GPHN: variants seen among roughly 807,000 people sequenced by gnomAD.
GPHN encodes gephyrin.
GPHN carries 17 observed loss-of-function variants against 95.5 expected under a neutral mutation model. The ratio of observed to expected loss-of-function variants is 0.18; its 90% CI spans 0.12 to 0.27. GPHN has a LOEUF of 0.27. Ranked by LOEUF, GPHN falls within the 10% of genes least tolerant of loss-of-function variation. The pLI is 1.00. For synonymous variants in GPHN, 320 were observed against 322.5 expected (o/e 0.99, Z 0.08); for missense variants, 660 against 978.1 (o/e 0.67, Z 4.34).
chr14:67,213,149 T>C, the GPHN span, among the ~76,000 whole-genome samples: 1 of 150,988 alleles, frequency 6.6e-6, no homozygotes, highest in Non-Finnish European at 1.5e-5. Flanking sequence ...AATTTTTTTT[T>C]AAATGTATTT....
chr14:67,689,616 T>C, the GPHN span, among the ~76,000 whole-genome samples: 1 of 152,132 alleles, frequency 6.6e-6, no homozygotes, highest in Non-Finnish European at 1.5e-5. Context: ...AACTGTGAAG[T>C]AGTCCCATTT....
intron 8 of GPHN, among the ~76,000 whole-genome samples, chr14:66,956,399 C>T (rs1418114321): frequency 2.0e-5 from 3 of 152,078 alleles, no homozygotes; most frequent in African/African-American, 7.2e-5. Flanking sequence ...GGTATACACC[C>T]AGTAATGGGA....
the GPHN span, chr14:67,562,957 A>T: frequency 2.0e-6 from 3 of 1,511,102 alleles, no homozygotes; most frequent in Non-Finnish European, 2.7e-6. Context: ...CTGCTGGCTG[A>T]GCACAGCCAT....
At chr14:66,851,284 C>T (rs905555531) in intron 4 of GPHN, among the ~76,000 whole-genome samples, 4 of 152,038 alleles carry the variant, frequency 2.6e-5, no homozygotes, top group Non-Finnish European at 4.4e-5. Flanking sequence ...CTTGTTCCCC[C>T]TTACAGTCAC....
Position 66,932,464 on chromosome 14 carries a change from T to TTTTG in GPHN, c.828+8175_828+8176insGTTT, listed in dbSNP as rs1567118581. ...ACCAGGTTTTTTTTTTTTTTTTTTT[T>TTTTG]TTTTTTTTTTTTTTTTCAGTGCAGC... On this transcript the variant is annotated intron_variant, in intron 8 of 22. Coordinates refer to ENST00000478722, the MANE Select transcript of GPHN (RefSeq NM_020806.5). Among the ~76,000 whole-genome samples, 237 of 123,696 alleles carry TTTTG rather than the reference T, an allele frequency of 1.9e-3. 2 individuals are homozygous for TTTTG. Among genetic ancestry groups the TTTTG allele is most frequent in the Non-Finnish European group, 3.4e-3 (189 of 55,726 alleles). 81.1% of individuals were successfully genotyped at this position (123,696 alleles called of 152,430 possible).
chr14:66,905,688 T>G (rs1377011447), intron 5 of GPHN, among the ~76,000 whole-genome samples: 1 of 152,066 alleles, frequency 6.6e-6, no homozygotes, highest in Non-Finnish European at 1.5e-5. Context: ...GTAATGAGCG[T>G]AGTATACAAA....
At chr14:67,522,419 G>A in the GPHN span, among the ~76,000 whole-genome samples, 19 of 152,166 alleles carry the variant, frequency 1.2e-4, no homozygotes, top group Non-Finnish European at 2.1e-4. Flanking sequence ...AGTCGTCTGA[G>A]GGGGGACAAA....
chr14:67,228,191 T>C, the GPHN span, among the ~76,000 whole-genome samples: 1 of 151,632 alleles, frequency 6.6e-6, no homozygotes, highest in Non-Finnish European at 1.5e-5. Flanking sequence ...AAAAAGAAAT[T>C]AAGTTTAATA....
At chr14:67,334,329 A>G in the GPHN span, 1 of 152,662 alleles carries the variant, frequency 6.6e-6, no homozygotes, top group Non-Finnish European at 1.5e-5. Flanking sequence ...CTTAATTTGC[A>G]GTCTTTTCAA....
the GPHN span, among the ~76,000 whole-genome samples, chr14:67,362,086 A>G: frequency 6.9e-6 from 1 of 145,668 alleles, no homozygotes; most frequent in Non-Finnish European, 1.5e-5. Flanking sequence ...TAGTGGCACG[A>G]TCTCAGCTCA....
intron 2 of GPHN, among the ~76,000 whole-genome samples, chr14:66,687,602 G>C (rs1459991700): frequency 6.7e-6 from 1 of 148,310 alleles, no homozygotes; most frequent in African/African-American, 2.5e-5. Flanking sequence ...CGGTTCTCCT[G>C]CCTCAGCCTC....
chr14:66,756,891 A>T (rs2058577057), intron 2 of GPHN, among the ~76,000 whole-genome samples: 1 of 152,226 alleles, frequency 6.6e-6, no homozygotes, highest in African/African-American at 2.4e-5. Context: ...ATACTTCTAA[A>T]CTAATTCTGT....
At chr14:67,242,341 A>T in the GPHN span, among the ~76,000 whole-genome samples, 132 of 152,344 alleles carry the variant, frequency 8.7e-4, no homozygotes, top group African/African-American at 3.0e-3. Context: ...TTTTGTCTCC[A>T]TACTCGTTTA....
At chr14:67,670,693 T>C in the GPHN span, among the ~76,000 whole-genome samples, 48 of 152,252 alleles carry the variant, frequency 3.2e-4, no homozygotes, top group Admixed American at 5.9e-4. Context: ...CACACCCAGC[T>C]AATTTTTGTA....
chr14:66,508,731 C>G (rs1043060771), intron 1 of GPHN, 140 bp downstream of exon 1: 4 of 757,226 alleles, frequency 5.3e-6, no homozygotes, highest in African/African-American at 5.2e-5. Flanking sequence ...CATTTTACAA[C>G]CGCTGAGAAC....
the GPHN span, among the ~76,000 whole-genome samples, chr14:67,484,245 T>C: frequency 6.6e-6 from 1 of 152,238 alleles, no homozygotes; most frequent in Non-Finnish European, 1.5e-5. Flanking sequence ...TCTTGTTCAC[T>C]GCTGTTTAGT....
chr14:66,904,577 C>T (rs919039358), intron 5 of GPHN, among the ~76,000 whole-genome samples: 1 of 152,118 alleles, frequency 6.6e-6, no homozygotes, highest in Non-Finnish European at 1.5e-5. Flanking sequence ...TTCTCCAAGT[C>T]CCTGGTTGAC....
At chr14:67,180,255 A>G (rs2083254250) in intron 22 of GPHN, among the ~76,000 whole-genome samples, 2 of 152,218 alleles carry the variant, frequency 1.3e-5, no homozygotes, top group Admixed American at 6.5e-5. Flanking sequence ...CAAAGATCCT[A>G]CCAAGTGAAA....
At chr14:66,559,061 A>G (rs2060122398) in intron 1 of GPHN, among the ~76,000 whole-genome samples, 1 of 152,182 alleles carries the variant, frequency 6.6e-6, no homozygotes. Flanking sequence ...TACAAAGGAC[A>G]TGAACTCATC....
Sources: allele counts gnomAD v4.1 joint callset (sites outside exome capture counted in the v4.1 genomes callset), GRCh38; gene constraint gnomAD v4.1.1; transcripts MANE v1.5; gene names NCBI Gene and HGNC (gene_info 2026-07-23, HGNC 2026-07-21).